Variants in ALK observed in about 807,000 individuals in gnomAD.
The protein encoded by ALK is ALK tyrosine kinase receptor.
Under a neutral mutation model 163.1 loss-of-function variants are expected in ALK, and 74 were observed. That is an observed-to-expected ratio of 0.45 (90% CI 0.38 to 0.55). ALK has a LOEUF of 0.55. ALK is among the 20% of genes least tolerant of loss of function. The pLI is 0.00. For synonymous variants in ALK, 960 were observed against 843.2 expected (o/e 1.14, Z -2.40); for missense variants, 2,063 against 2,105.3 (o/e 0.98, Z 0.39).
At chr2:29,459,360 A>T (rs1038979703) in intron 4 of ALK, among the ~76,000 whole-genome samples, 2 of 152,152 alleles carry the variant, frequency 1.3e-5, no homozygotes, top group African/African-American at 4.8e-5. Context: ...ATAGGGACAG[A>T]CATGGCGGAC....
At chr2:29,248,371 G>A (rs1558637237) in intron 12 of ALK, among the ~76,000 whole-genome samples, 1 of 152,126 alleles carries the variant, frequency 6.6e-6, no homozygotes, top group South Asian at 2.1e-4. Flanking sequence ...GCTGAGGCAG[G>A]GGAATTGCTT....
chr2:29,533,553 T>C (rs1673173606), intron 3 of ALK, among the ~76,000 whole-genome samples: 1 of 152,240 alleles, frequency 6.6e-6, no homozygotes, highest in Non-Finnish European at 1.5e-5. Context: ...CCAAGGTAAC[T>C]TGTGGCCAGG....
chr2:29,320,810 G>T lies in ALK; in HGVS notation c.1487C>A (p.Pro496His), dbSNP rs1231969163. 2 of 1,614,098 alleles carry T rather than the reference G, an allele frequency of 1.2e-6. No homozygotes were observed. Residue 496 changes from proline to histidine, a missense_variant, in exon 7 of 29, where the codon CCC becomes CAC. Pro to His is a moderately conservative substitution (Grantham distance 77). This residue lies in a region of ALK where 987 missense variants were observed against 939.5 expected (regional missense o/e 1.05). Transcript: ENST00000389048. ...FCGWTQGTLS[P>H]HTPQWQVRTL... ...CCTGACCTGCCATTGAGGAGTGTGG[G>T]GTGACAGTGTGCCTTGGGTCCAGCC...
At chr2:29,493,459 C>T (rs925564683) in intron 4 of ALK, among the ~76,000 whole-genome samples, 4 of 152,300 alleles carry the variant, frequency 2.6e-5, no homozygotes, top group South Asian at 2.1e-4. Context: ...CATAACAAAA[C>T]GAGTCCTTGT....
At chr2:29,691,533 CAG>C (rs1342751734) in intron 3 of ALK, among the ~76,000 whole-genome samples, 1 of 152,262 alleles carries the variant, frequency 6.6e-6, no homozygotes, top group East Asian at 1.9e-4. Flanking sequence ...TTAAAAAAAA[CAG>C]ATATTCCAAT....
Position 29,903,974 on chromosome 2 carries a change from A to G in ALK, c.667+16019T>C, listed in dbSNP as rs1667476997. ...TTAGAACTCACTTATTTGATATTAC[A>G]GAAACAAAGACTCAGGAAGTTTAGG... On this transcript the variant is annotated intron_variant, in intron 1 of 28. Transcript: ENST00000389048. Among the ~76,000 whole-genome samples the G allele has an allele frequency of 2.0e-5, 3 of 152,212 alleles. No homozygotes were observed. In the South Asian group the frequency reaches 6.2e-4, roughly 31 times the overall value.
chr2:29,639,594 G>T (rs888500492), intron 3 of ALK, among the ~76,000 whole-genome samples: 1 of 152,162 alleles, frequency 6.6e-6, no homozygotes, highest in Admixed American at 6.5e-5. Context: ...CAAGACTAGG[G>T]CAAAGTTACA....
At chr2:29,440,394 A>G (rs1670510717) in intron 4 of ALK, among the ~76,000 whole-genome samples, 1 of 145,608 alleles carries the variant, frequency 6.9e-6, no homozygotes, top group Non-Finnish European at 1.5e-5. Flanking sequence ...TCCGCTCACT[A>G]TAATCTCTGC....
intron 4 of ALK, among the ~76,000 whole-genome samples, chr2:29,444,376 G>T (rs531553045): frequency 1.4e-4 from 22 of 152,302 alleles, no homozygotes; most frequent in African/African-American, 5.1e-4. Flanking sequence ...CCCCGTGGGT[G>T]CTCACTGGGC....
At position 29,639,006 on chromosome 2, in the gene ALK, G is replaced by T. The variant is rs549341834; in HGVS notation, c.952+55844C>A. On this transcript the variant is annotated intron_variant, in intron 3 of 28. Coordinates refer to ENST00000389048, the MANE Select transcript of ALK (RefSeq NM_004304.5). ...GCCAGCTTTATTGAAAACAAATAGGGCTTCTACAGCAATACTGGGCACGTA... is the reference window on the plus strand; with the variant it reads ...GCCAGCTTTATTGAAAACAAATAGGTCTTCTACAGCAATACTGGGCACGTA... 7.2e-5 allele frequency among the ~76,000 whole-genome samples: 11 copies of T among 152,216 alleles called. No individual in the cohort carries two copies. The South Asian group carries it at 2.3e-3, about 32-fold the overall frequency.
intron 5 of ALK, among the ~76,000 whole-genome samples, chr2:29,360,150 T>C (rs1006242885): frequency 6.6e-6 from 1 of 152,200 alleles, no homozygotes; most frequent in African/African-American, 2.4e-5. Flanking sequence ...ATGTCTCTTC[T>C]CTGGGACCAC....
intron 4 of ALK, among the ~76,000 whole-genome samples, chr2:29,456,855 T>A (rs767002696): frequency 6.6e-6 from 1 of 152,164 alleles, no homozygotes; most frequent in African/African-American, 2.4e-5. Context: ...CGTGTACTGG[T>A]TTCTTTCTTT....
At chr2:29,491,898 A>C (rs573137800) in intron 4 of ALK, among the ~76,000 whole-genome samples, 1 of 152,360 alleles carries the variant, frequency 6.6e-6, no homozygotes, top group East Asian at 1.9e-4. Context: ...CACTTTTCAC[A>C]GATGTCTAAT....
intron 8 of ALK, among the ~76,000 whole-genome samples, chr2:29,298,993 C>A (rs1307586942): frequency 6.6e-6 from 1 of 152,218 alleles, no homozygotes; most frequent in Non-Finnish European, 1.5e-5. Flanking sequence ...ATCCTCTGGG[C>A]TCCTCTGGCT....
At chr2:29,780,843 T>A (rs1053133701) in intron 1 of ALK, among the ~76,000 whole-genome samples, 1 of 152,266 alleles carries the variant, frequency 6.6e-6, no homozygotes, top group Admixed American at 6.5e-5. Flanking sequence ...TAAGCTCTAA[T>A]TTTTTAAGAT....
At chr2:29,302,484 C>T (rs929117614) in intron 8 of ALK, among the ~76,000 whole-genome samples, 3 of 152,172 alleles carry the variant, frequency 2.0e-5, no homozygotes, top group Admixed American at 6.5e-5. Context: ...CATCATTGCA[C>T]TCCAGCCTGG....
intron 1 of ALK, among the ~76,000 whole-genome samples, chr2:29,855,715 G>T (rs1056698921): frequency 3.3e-5 from 5 of 152,202 alleles, no homozygotes; most frequent in Non-Finnish European, 7.3e-5. Context: ...GGTCAGAGAA[G>T]GTTGGACAGA....
At position 29,196,796 on chromosome 2, in the gene ALK, A is replaced by C. The variant is rs1060500216; in HGVS notation, c.4138T>G (p.Leu1380Val). The C allele has an allele frequency of 1.2e-6, 2 of 1,614,034 alleles. No individual in the cohort carries two copies. The highest frequency in any genetic ancestry group is 1.7e-6 in the Non-Finnish European group (2 of 1,179,968). Residue 1380 changes from leucine to valine, a missense_variant, in exon 28 of 29, where the codon TTG becomes GTG. This residue lies in a region of ALK where 403 missense variants were observed against 366.2 expected (regional missense o/e 1.10). Transcript: ENST00000389048. Reference protein sequence around the residue: ...PEDRPNFAIILERIEYCTQDP... With the variant: ...PEDRPNFAIIVERIEYCTQDP... ...TGGGTGCAGTATTCAATCCTCTCCA[A>C]AATGATGGCAAAGTTGGGCCTGTCT...
intron 1 of ALK, among the ~76,000 whole-genome samples, chr2:29,718,787 G>C (rs763078080): frequency 3.9e-5 from 6 of 152,224 alleles, no homozygotes; most frequent in African/African-American, 7.2e-5. Flanking sequence ...GTTCTATGGT[G>C]AATGGGCTGA....
Sources: allele counts gnomAD v4.1 joint callset (sites outside exome capture counted in the v4.1 genomes callset), GRCh38; gene constraint gnomAD v4.1.1; regional missense constraint gnomAD v4.1.1; transcripts MANE v1.5; gene names NCBI Gene and HGNC (gene_info 2026-07-23, HGNC 2026-07-21).